The following TYW1B variants were observed in gnomAD, a reference collection of about 807,000 sequenced individuals.
TYW1B encodes the protein tRNA-yW synthesizing protein 1 homolog B, also known as S-adenosyl-L-methionine-dependent tRNA 4-demethylwyosine synthase TYW1B.
In TYW1B, 73 loss-of-function variants were observed where a neutral mutation model predicts 86.9. That is an observed-to-expected ratio of 0.84 (90% CI 0.70 to 1.02). The LOEUF (loss-of-function observed/expected upper bound fraction) is 1.02. Ranked by LOEUF, TYW1B falls within the 50% of genes least tolerant of loss-of-function variation. The pLI is 0.00. For missense variants in TYW1B, 637 were observed against 827.4 expected, an observed-to-expected ratio of 0.77 and a Z score of 2.82; for synonymous variants, 248 against 292.8, an observed-to-expected ratio of 0.85 and a Z score of 1.56.
chr7:72,682,735 T>G (rs1272732576), intron 11 of TYW1B, among the ~76,000 whole-genome samples: 2 of 151,958 alleles, frequency 1.3e-5, no homozygotes, highest in Non-Finnish European at 2.9e-5. Context: ...TCCCCATAAT[T>G]GGAGGGAAAA....
intron 1 of TYW1B, 75 bp from the exon 2 acceptor site, chr7:72,827,060 A>G: frequency 6.6e-7 from 1 of 1,516,092 alleles, no homozygotes; most frequent in Non-Finnish European, 8.8e-7. Flanking sequence ...CGATTTTAAG[A>G]AGAAAATAAA....
intron 8 of TYW1B, among the ~76,000 whole-genome samples, chr7:72,735,718 A>C (rs1787185719): frequency 6.6e-6 from 1 of 151,806 alleles, no homozygotes; most frequent in Non-Finnish European, 1.5e-5. Flanking sequence ...AAAAATACAA[A>C]AATTATCCGG....
chr7:72,799,534 C>T (rs1178027133), intron 6 of TYW1B, among the ~76,000 whole-genome samples: 1 of 151,046 alleles, frequency 6.6e-6, no homozygotes, highest in Non-Finnish European at 1.5e-5. Flanking sequence ...GGCGCGATCT[C>T]GGCTCACTAC....
At chr7:72,820,765 A>C (rs1788813498) in intron 2 of TYW1B, among the ~76,000 whole-genome samples, 1 of 152,180 alleles carries the variant, frequency 6.6e-6, no homozygotes, top group Admixed American at 6.6e-5. Flanking sequence ...TAGGCCCATC[A>C]CCAATGTGAG....
chr7:72,623,126 C>A (rs1353265744), intron 12 of TYW1B, among the ~76,000 whole-genome samples: 1 of 152,172 alleles, frequency 6.6e-6, no homozygotes, highest in South Asian at 2.1e-4. Flanking sequence ...ATGTTAGAAA[C>A]CTTCCTCAAA....
chr7:72,808,676 C>A (rs556792277), intron 4 of TYW1B, among the ~76,000 whole-genome samples: 1 of 151,882 alleles, frequency 6.6e-6, no homozygotes, highest in Non-Finnish European at 1.5e-5. Context: ...TACAGGCATG[C>A]GCCACCATGC....
In TYW1B at chr7:72,628,967, C is replaced by G. The variant is rs199818733; in HGVS notation, c.1537G>C (p.Val513Leu). The change falls in exon 12 of 14, where the codon GTG becomes CTG. Residue 513 changes from valine (V) to leucine (L), a missense_variant. Transcript: ENST00000620995. ...QQRTVYRLML[V>L]KAWNVDELQA... ...AGCTCGTCCACGTTCCATGCTTTCA[C>G]GAGCATCAGTCTGTAGACAGTTCGT... 3.8e-6 allele frequency: 6 copies of G among 1,581,336 alleles called. No individual in the cohort carries two copies. Among genetic ancestry groups the G allele is most frequent in the Non-Finnish European group, 5.2e-6 (6 of 1,164,252 alleles).
chr7:72,604,458 T>A (rs1429892484), intron 13 of TYW1B, among the ~76,000 whole-genome samples: 1 of 151,888 alleles, frequency 6.6e-6, no homozygotes, highest in Non-Finnish European at 1.5e-5. Context: ...TGAGACTCTG[T>A]CTCAAAAAAT....
chr7:72,664,137 T>A (rs1813403667), intron 11 of TYW1B, among the ~76,000 whole-genome samples: 1 of 151,972 alleles, frequency 6.6e-6, no homozygotes, highest in Admixed American at 6.6e-5. Context: ...AAGATGACCA[T>A]CTATTCTCTT....
chr7:72,606,701 G>C (rs1488735994), intron 13 of TYW1B, among the ~76,000 whole-genome samples: 4 of 151,408 alleles, frequency 2.6e-5, no homozygotes, highest in Non-Finnish European at 5.9e-5. Context: ...TGGTATAACA[G>C]GAGGCTGACG....
intron 11 of TYW1B, among the ~76,000 whole-genome samples, chr7:72,643,927 TAA>T (rs782476334): frequency 2.0e-5 from 3 of 152,118 alleles, no homozygotes; most frequent in Non-Finnish European, 4.4e-5. Flanking sequence ...TATTGAAACT[TAA>T]AGTCATTAAA....
chr7:72,804,413 T>C (rs541582376), intron 5 of TYW1B, among the ~76,000 whole-genome samples: 2 of 152,164 alleles, frequency 1.3e-5, no homozygotes, highest in Non-Finnish European at 2.9e-5. Flanking sequence ...AAGTGTTCAA[T>C]ACAAAATAAA....
chr7:72,712,008 A>T (rs1271318352), intron 10 of TYW1B, among the ~76,000 whole-genome samples: 2 of 152,132 alleles, frequency 1.3e-5, no homozygotes, highest in Admixed American at 6.6e-5. Flanking sequence ...ATAACAGATG[A>T]GTAAATGTAA....
At chr7:72,788,904 C>T (rs13224251) in intron 6 of TYW1B, among the ~76,000 whole-genome samples, 104,180 of 151,682 alleles carry the variant, frequency 0.69, 36,695 homozygotes, top group Non-Finnish European at 0.77. Flanking sequence ...GATCATAGCT[C>T]ACTGCAGCCT....
At chr7:72,723,459 T>C (rs562348150) in intron 9 of TYW1B, among the ~76,000 whole-genome samples, 1 of 152,090 alleles carries the variant, frequency 6.6e-6, no homozygotes, top group African/African-American at 2.4e-5. Flanking sequence ...TTCCCATAGA[T>C]ACAATATTAT....
intron 7 of TYW1B, 41 bp from the exon 8 acceptor site, chr7:72,744,642 A>C (rs1554463279): frequency 6.2e-7 from 1 of 1,606,526 alleles, no homozygotes; most frequent in African/African-American, 1.3e-5. Flanking sequence ...TAAAATCGTC[A>C]AAGCACAGAA....
At chr7:72,650,158 C>A (rs148869255) in intron 11 of TYW1B, among the ~76,000 whole-genome samples, 2,524 of 151,524 alleles carry the variant, frequency 0.017, 61 homozygotes, top group African/African-American at 0.057. Context: ...TCGTGATCCA[C>A]CCACCTTGGC....
At chr7:72,675,516 G>T (rs1554447227) in intron 11 of TYW1B, among the ~76,000 whole-genome samples, 1 of 148,730 alleles carries the variant, frequency 6.7e-6, no homozygotes, top group Non-Finnish European at 1.5e-5. Context: ...GTATTTTTAT[G>T]TTGCCCTAAT....
At chr7:72,590,808 G>T (rs1314940680) in intron 13 of TYW1B, among the ~76,000 whole-genome samples, 4 of 152,016 alleles carry the variant, frequency 2.6e-5, no homozygotes, top group Non-Finnish European at 5.9e-5. Flanking sequence ...AAACAGTGAA[G>T]TATGGTCCAT....
Sources: gnomAD v4.1 joint callset for allele counts (sites outside exome capture counted in the v4.1 genomes callset) on GRCh38, gnomAD v4.1.1 for gene constraint, MANE v1.5 for transcripts, NCBI Gene and HGNC (gene_info 2026-07-23, HGNC 2026-07-21) for gene names.